FIRRM: variants seen among roughly 807,000 people sequenced by gnomAD.
FIRRM encodes the protein FIGNL1-interacting regulator of recombination and mitosis.
the FIRRM span, chr1:169,827,874 A>G: frequency 1.9e-6 from 3 of 1,607,154 alleles, no homozygotes; most frequent in Non-Finnish European, 2.6e-6. Flanking sequence ...TCATATTACC[A>G]ATGGTTAAGA....
chr1:169,798,243 C>T, the FIRRM span, among the ~76,000 whole-genome samples: 36 of 151,158 alleles, frequency 2.4e-4, no homozygotes, highest in Admixed American at 6.6e-4. Flanking sequence ...ATCATGTCAC[C>T]GCACTCCATC....
the FIRRM span, among the ~76,000 whole-genome samples, chr1:169,844,812 A>G: frequency 1.3e-5 from 2 of 152,212 alleles, no homozygotes; most frequent in Non-Finnish European, 2.9e-5. Context: ...ATTTCTAAAT[A>G]AGTAGATTGT....
At chr1:169,800,834 G>C in the FIRRM span, 1 of 907,750 alleles carries the variant, frequency 1.1e-6, no homozygotes, top group Admixed American at 2.2e-5. Context: ...AGTGGCCTTT[G>C]TTGACTGACA....
the FIRRM span, among the ~76,000 whole-genome samples, chr1:169,835,487 T>C: frequency 6.6e-6 from 1 of 152,206 alleles, no homozygotes; most frequent in Non-Finnish European, 1.5e-5. Context: ...TAATGTAAAG[T>C]AAAAATTACT....
At chr1:169,803,177 G>A in the FIRRM span, 1 of 1,613,312 alleles carries the variant, frequency 6.2e-7, no homozygotes, top group Non-Finnish European at 8.5e-7. Context: ...AGACAATGGT[G>A]CAGCTCTTAG....
At chr1:169,807,721 T>C in the FIRRM span, 1 of 1,336,292 alleles carries the variant, frequency 7.5e-7, no homozygotes. Flanking sequence ...AAGGTAGATA[T>C]TGTTAGAGGT....
At chr1:169,815,181 A>AGCTACTCCGGAGGCTGAG in the FIRRM span, among the ~76,000 whole-genome samples, 1 of 151,760 alleles carries the variant, frequency 6.6e-6, no homozygotes, top group Non-Finnish European at 1.5e-5. Context: ...CTGTAATCCC[A>AGCTACTCCGGAGGCTGAG]GCTACTCCGG....
chr1:169,846,005 A>C, the FIRRM span, among the ~76,000 whole-genome samples: 1 of 152,190 alleles, frequency 6.6e-6, no homozygotes, highest in Non-Finnish European at 1.5e-5. Context: ...CGTATTTCTT[A>C]AACAGTAAGA....
At chr1:169,830,737 T>C in the FIRRM span, 28 of 1,613,768 alleles carry the variant, frequency 1.7e-5, no homozygotes, top group Non-Finnish European at 2.3e-5. Flanking sequence ...GTCACCATAG[T>C]GGCTCATCTG....
chr1:169,827,927 T>TG, the FIRRM span: 11 of 1,224,252 alleles, frequency 9.0e-6, no homozygotes, highest in Middle Eastern at 2.0e-4. Flanking sequence ...AGTTTGTGTG[T>TG]TTTTTTTTTA....
chr1:169,840,721 A>C, the FIRRM span, among the ~76,000 whole-genome samples: 1 of 152,054 alleles, frequency 6.6e-6, no homozygotes, highest in Non-Finnish European at 1.5e-5. Context: ...TGTGTTAGCC[A>C]GGATGGCCTC....
At chr1:169,814,628 G>A in the FIRRM span, among the ~76,000 whole-genome samples, 1 of 152,158 alleles carries the variant, frequency 6.6e-6, no homozygotes, top group Non-Finnish European at 1.5e-5. Flanking sequence ...TAGTGATCCT[G>A]GAAGTGCTCC....
the FIRRM span, among the ~76,000 whole-genome samples, chr1:169,844,854 T>A: frequency 6.6e-6 from 1 of 152,210 alleles, no homozygotes; most frequent in African/African-American, 2.4e-5. Context: ...ATAAAAGATT[T>A]CACCTCAAGA....
At chr1:169,842,068 C>T in the FIRRM span, among the ~76,000 whole-genome samples, 206 of 151,162 alleles carry the variant, frequency 1.4e-3, 1 homozygote, top group African/African-American at 4.7e-3. Context: ...CCCAGCTTCT[C>T]GGGAGGTTGA....
chr1:169,834,581 C>T, the FIRRM span, among the ~76,000 whole-genome samples: 1 of 152,102 alleles, frequency 6.6e-6, no homozygotes, highest in African/African-American at 2.4e-5. Flanking sequence ...TTAGTCCTTA[C>T]AGCAGCCTTG....
the FIRRM span, chr1:169,803,439 G>T: frequency 2.3e-4 from 218 of 933,724 alleles, no homozygotes; most frequent in Non-Finnish European, 1.7e-4. Context: ...ATAGAATAAA[G>T]AACATGTAAG....
chr1:169,850,819 G>A, the FIRRM span: 1 of 155,462 alleles, frequency 6.4e-6, no homozygotes, highest in African/African-American at 2.4e-5. Context: ...TAGTTCCTCT[G>A]CCTGTAGTTT....
At chr1:169,827,709 A>C in the FIRRM span, 1 of 1,613,858 alleles carries the variant, frequency 6.2e-7, no homozygotes, top group Non-Finnish European at 8.5e-7. Flanking sequence ...ATTACATGTA[A>C]GACCTGCCAT....
At chr1:169,840,963 C>G in the FIRRM span, among the ~76,000 whole-genome samples, 1 of 152,126 alleles carries the variant, frequency 6.6e-6, no homozygotes, top group Non-Finnish European at 1.5e-5. Context: ...GCTTATTGCT[C>G]TGGCTTGAAC....
Sources: gnomAD v4.1 joint callset for allele counts (sites outside exome capture counted in the v4.1 genomes callset) on GRCh38, gnomAD v4.1.1 for gene constraint, MANE v1.5 for transcripts, NCBI Gene and HGNC (gene_info 2026-07-23, HGNC 2026-07-21) for gene names.